The following CACNB4 variants were observed in gnomAD, a reference collection of about 807,000 sequenced individuals.
CACNB4 encodes calcium voltage-gated channel auxiliary subunit beta 4.
In CACNB4, 32 loss-of-function variants were observed where a neutral mutation model predicts 71.2. That is an observed-to-expected ratio of 0.45 (90% confidence interval 0.34 to 0.60). The LOEUF (loss-of-function observed/expected upper bound fraction) is 0.60. Among genes scored for constraint, CACNB4 ranks in the 20% least tolerant of loss-of-function variants. The pLI is 0.01. For synonymous variants in CACNB4, 231 were observed against 236.9 expected (o/e 0.97, Z 0.23); for missense variants, 464 against 647.9 (o/e 0.72, Z 3.08).
At chr2:152,053,790 G>A (rs1329107006) in intron 2 of CACNB4, among the ~76,000 whole-genome samples, 1 of 152,074 alleles carries the variant, frequency 6.6e-6, no homozygotes, top group Non-Finnish European at 1.5e-5. Context: ...TCCCAAAAGT[G>A]CTGGGATTAC....
intron 6 of CACNB4, chr2:151,871,067 T>C: frequency 3.4e-6 from 2 of 590,718 alleles, no homozygotes; most frequent in South Asian, 4.2e-5. Context: ...GCTTCCTCCC[T>C]GGTACAAATG....
At chr2:152,076,326 TTTTTTTTTGTA>T (rs1687017961) in intron 2 of CACNB4, among the ~76,000 whole-genome samples, 1 of 149,714 alleles carries the variant, frequency 6.7e-6, no homozygotes, top group African/African-American at 2.4e-5. Flanking sequence ...GGTTTTTTTT[TTTTTTTTTGTA>T]TTTTTTTGTA....
rs568667019 is a variant in CACNB4 at position 152,068,782 on chromosome 2, T to A, written c.147+29548A>T. ...AGACCGAAGAATCCACACCTATGTT[T>A]TCTGGAAGGATAGAAAGGAGAATTC... On this transcript the variant is annotated intron_variant, in intron 2 of 13. Coordinates refer to ENST00000539935, the MANE Select transcript of CACNB4 (RefSeq NM_000726.5). 1.9e-4 allele frequency among the ~76,000 whole-genome samples: 29 copies of A among 152,246 alleles called. No homozygotes were observed. In the South Asian group the frequency reaches 5.0e-3, roughly 26 times the overall value.
At chr2:151,892,957 C>A (rs898792187) in intron 2 of CACNB4, among the ~76,000 whole-genome samples, 1 of 151,902 alleles carries the variant, frequency 6.6e-6, no homozygotes, top group African/African-American at 2.4e-5. Flanking sequence ...CGCAAGTTGA[C>A]TGAAAAAATT....
intron 4 of CACNB4, among the ~76,000 whole-genome samples, chr2:151,877,037 A>G (rs1218711584): frequency 6.8e-6 from 1 of 147,606 alleles, no homozygotes; most frequent in Non-Finnish European, 1.5e-5. Flanking sequence ...GCATATATAG[A>G]TCTATATATA....
chr2:151,955,861 T>C (rs941644395), intron 2 of CACNB4, among the ~76,000 whole-genome samples: 2 of 151,064 alleles, frequency 1.3e-5, no homozygotes, highest in African/African-American at 4.9e-5. Context: ...ATGATTGCAC[T>C]ACTGCCCTCC....
intron 2 of CACNB4, among the ~76,000 whole-genome samples, chr2:152,036,941 A>G (rs1256566124): frequency 6.6e-6 from 1 of 152,246 alleles, no homozygotes; most frequent in Non-Finnish European, 1.5e-5. Context: ...ACTAGATGCT[A>G]GAAAGCAGCT....
intron 10 of CACNB4, chr2:151,857,664 C>T (rs1056619428): frequency 1.3e-5 from 2 of 152,196 alleles, no homozygotes; most frequent in African/African-American, 2.4e-5. Context: ...GTGAGCAAGC[C>T]TATGTTTTCT....
intron 2 of CACNB4, among the ~76,000 whole-genome samples, chr2:151,899,544 G>GT (rs1475591672): frequency 6.6e-6 from 1 of 152,176 alleles, no homozygotes; most frequent in African/African-American, 2.4e-5. Context: ...TAATTGTTTA[G>GT]TTTTAACTTC....
At chr2:152,067,394 G>A (rs558686700) in intron 2 of CACNB4, among the ~76,000 whole-genome samples, 4 of 150,094 alleles carry the variant, frequency 2.7e-5, no homozygotes, top group African/African-American at 5.0e-5. Context: ...TGTGTGGGGG[G>A]GGGGGTGCCT....
At chr2:152,034,770 G>A (rs1243860240) in intron 2 of CACNB4, among the ~76,000 whole-genome samples, 1 of 152,052 alleles carries the variant, frequency 6.6e-6, no homozygotes, top group Non-Finnish European at 1.5e-5. Flanking sequence ...ACTAACCCCT[G>A]GGGTAAGGAA....
At chr2:152,026,840 T>C (rs1678579063) in intron 2 of CACNB4, among the ~76,000 whole-genome samples, 1 of 152,222 alleles carries the variant, frequency 6.6e-6, no homozygotes, top group Non-Finnish European at 1.5e-5. Flanking sequence ...GGTATCCATA[T>C]TGTTAAGTCC....
chr2:152,078,834 G>A (rs765770571), intron 2 of CACNB4, among the ~76,000 whole-genome samples: 1 of 152,140 alleles, frequency 6.6e-6, no homozygotes, highest in Non-Finnish European at 1.5e-5. Context: ...CCACCTTCTT[G>A]TAGACTGTTA....
rs142799247 is a variant in CACNB4 at position 151,938,315 on chromosome 2, T to A, written c.148-54945A>T. On this transcript the variant is annotated intron_variant, in intron 2 of 13. Coordinates refer to ENST00000539935, the MANE Select transcript of CACNB4 (RefSeq NM_000726.5). ...TGTCCAGCAGACATGGGAATATAGCTATTTACATCTGCTATTTAGAATGAA... is the reference window on the plus strand; with the variant it reads ...TGTCCAGCAGACATGGGAATATAGCAATTTACATCTGCTATTTAGAATGAA... Among the ~76,000 whole-genome samples, 1,443 of 152,360 alleles carry A rather than the reference T, an allele frequency of 9.5e-3. 18 individuals carry two copies. Among genetic ancestry groups the A allele is most frequent in the African/African-American group, 0.033 (1,363 of 41,586 alleles).
At chr2:152,043,558 G>C (rs946038257) in intron 2 of CACNB4, among the ~76,000 whole-genome samples, 2 of 152,120 alleles carry the variant, frequency 1.3e-5, no homozygotes, top group African/African-American at 4.8e-5. Flanking sequence ...GGTCTCAAAT[G>C]ATCCTCCTGC....
At chr2:151,907,442 TAC>T (rs1314955691) in intron 2 of CACNB4, among the ~76,000 whole-genome samples, 1 of 152,228 alleles carries the variant, frequency 6.6e-6, no homozygotes, top group Non-Finnish European at 1.5e-5. Context: ...GCAAAGATAG[TAC>T]AGAGTTCCCA....
chr2:152,042,907 C>G (rs368533390), intron 2 of CACNB4, among the ~76,000 whole-genome samples: 1 of 152,208 alleles, frequency 6.6e-6, no homozygotes, highest in East Asian at 1.9e-4. Flanking sequence ...CGGCTAAAAC[C>G]CACCAAAACC....
chr2:152,023,111 G>C (rs1683766246), intron 2 of CACNB4, among the ~76,000 whole-genome samples: 1 of 151,644 alleles, frequency 6.6e-6, no homozygotes, highest in Non-Finnish European at 1.5e-5. Context: ...GGTCCATGAG[G>C]GGGTGAGAGA....
At chr2:151,962,395 ACT>A (rs942969198) in intron 2 of CACNB4, among the ~76,000 whole-genome samples, 1 of 151,796 alleles carries the variant, frequency 6.6e-6, no homozygotes, top group African/African-American at 2.4e-5. Context: ...TGTCAGGGAC[ACT>A]CTCTCCACCC....
Sources: allele counts gnomAD v4.1 joint callset (sites outside exome capture counted in the v4.1 genomes callset), GRCh38; gene constraint gnomAD v4.1.1; transcripts MANE v1.5; gene names NCBI Gene and HGNC (gene_info 2026-07-23, HGNC 2026-07-21).